The following NME5 variants were observed in gnomAD, a reference collection of about 807,000 sequenced individuals.
NME5 encodes the protein nucleoside diphosphate kinase 5.
NME5 carries 18 observed loss-of-function variants against 21.6 expected under a neutral mutation model. That is an observed-to-expected ratio of 0.83 (90% CI 0.58 to 1.24). The LOEUF is 1.24. NME5 is among the 50% of genes most tolerant of loss of function. The pLI, the probability that NME5 is intolerant of heterozygous loss-of-function variation, is 0.00. For synonymous variants in NME5, 70 were observed against 80.6 expected (o/e 0.87, Z 0.71); for missense variants, 223 against 255.4 (o/e 0.87, Z 0.86).
At chr5:138,126,510 C>CAAAAA (rs57938582) in intron 4 of NME5, among the ~76,000 whole-genome samples, 19 of 54,214 alleles carry the variant, frequency 3.5e-4, no homozygotes, top group East Asian at 1.8e-3. Context: ...GAATCTATCT[C>CAAAAA]AAAAAAAAAA....
At chr5:138,134,729 CTT>C (rs112868350) in intron 2 of NME5, among the ~76,000 whole-genome samples, 7 of 141,532 alleles carry the variant, frequency 4.9e-5, no homozygotes, top group Non-Finnish European at 9.2e-5. Context: ...AAGTTTGTCA[CTT>C]TTTTTTTTTT....
rs915465713 is a variant in NME5, at chr5:138,127,533, C to A, written c.436+946G>T. On this transcript the variant is annotated intron_variant, in intron 4 of 5. Coordinates refer to ENST00000265191, the MANE Select transcript of NME5 (RefSeq NM_003551.3). Reference sequence around the variant, plus strand: ...TGACTTAGGGAAAAATAAGTCATAACAGGAAAAATAACATACTAAAAAAAT... The same window carrying A: ...TGACTTAGGGAAAAATAAGTCATAAAAGGAAAAATAACATACTAAAAAAAT... 4 of 981,056 alleles carry A rather than the reference C, an allele frequency of 4.1e-6. No homozygotes were observed. In the African/African-American group the frequency reaches 7.0e-5, roughly 17 times the overall value. The allele number at this position is 981,056 out of a possible 1,614,324, so 60.8% of individuals were successfully genotyped here.
At position 138,130,206 on chromosome 5, in the gene NME5, C is replaced by G. The variant is rs146240183; in HGVS notation, c.130-738G>C. Among the ~76,000 whole-genome samples, 663 of 151,760 alleles carry G rather than the reference C, an allele frequency of 4.4e-3. 6 individuals carry two copies. In the South Asian group the frequency reaches 0.044, roughly 10 times the overall value. ...GCCAAGGCGGAAGGATCGCTTCATC[C>G]CAGCCAGGAGTTAGAGACCAGCCTA... On this transcript the variant is annotated intron_variant, in intron 2 of 5. Transcript: ENST00000265191.
Position 138,129,198 on chromosome 5 carries a change from A to ATT in NME5, c.335+63_335+64dup, listed in dbSNP as rs11428296. 2.0e-3 allele frequency: 2,167 copies of ATT among 1,087,892 alleles called. 1 individual carries two copies. Among genetic ancestry groups the ATT allele is most frequent in the East Asian group, 0.013 (444 of 35,166 alleles). 67.4% of individuals were successfully genotyped at this position (1,087,892 alleles called of 1,614,324 possible). A position where few individuals can be genotyped will look rare whatever the true frequency, so the allele number is the denominator to read the frequency against. ...AAAATTCCCATTACAATGAAATCAG[A>ATT]TTTTTTTTTTTCATTTTCACAGATG... is the stretch of plus-strand genomic sequence containing the variant. On this transcript the variant is annotated intron_variant, in intron 3 of 5. Transcript: ENST00000265191.
rs1751510207 is a variant in NME5, at chr5:138,129,455, C to T, written c.143G>A (p.Arg48His). ...GTTACTACATTGCTCAGGGCTGAGG[C>T]GTAGTTTTCTTCTCTATAAAAGACA... is the stretch of plus-strand genomic sequence containing the variant. ...GFTIVQRRKL[R>H]LSPEQCSNFY... is the part of the protein sequence containing the mutation. The change falls in exon 3 of 6, where the codon CGC becomes CAC. Residue 48 changes from arginine (R) to histidine (H), a missense_variant. By Grantham distance (29) the Arg-to-His change is conservative. Transcript: ENST00000265191. 3.7e-6 allele frequency: 6 copies of T among 1,613,368 alleles called. No individual in the cohort carries two copies. Among genetic ancestry groups the T allele is most frequent in the South Asian group, 2.2e-5 (2 of 91,048 alleles).
chr5:138,127,403 CAAAAAAAA>C, intron 4 of NME5: 1 of 895,998 alleles, frequency 1.1e-6, no homozygotes, highest in Non-Finnish European at 1.3e-6. Context: ...GTGAAATCTC[CAAAAAAAA>C]GAAAAAAAAT....
chr5:138,123,352 C>A (rs1751329295), intron 4 of NME5, among the ~76,000 whole-genome samples: 1 of 152,080 alleles, frequency 6.6e-6, no homozygotes, highest in Non-Finnish European at 1.5e-5. Flanking sequence ...GAATAAGTAT[C>A]CTTTGATCAA....
Position 138,118,881 on chromosome 5 carries a change from A to T in NME5, c.492T>A (p.His164Gln). Residue 164 changes from histidine (H) to glutamine (Q), a missense_variant, in exon 5 of 6, where the codon CAT (histidine) becomes CAA (glutamine). Physicochemically the swap from His to Gln is conservative, Grantham distance 24. Transcript: ENST00000265191. ...GQAAKDYLNLHIMPTLLEGLT... is the reference protein window; with the variant it reads ...GQAAKDYLNLQIMPTLLEGLT... ...GTCCTTCAAGCAGAGTTGGCATTAT[A>T]TGTAAATTTAAATAGTCCTTAGCAG... is the stretch of plus-strand genomic sequence containing the variant. 1 of 1,613,274 alleles carries T rather than the reference A, an allele frequency of 6.2e-7. No homozygotes were observed.
rs147809098 is a variant in NME5 at position 138,126,880 on chromosome 5, G to A, written c.436+1599C>T. The stretch of plus-strand genomic sequence containing the variant: ...GAGGATCACTTGAGCCCAGAAGGTC[G>A]AGGCTGCCATGAGTCGTGATCATGC... On this transcript the variant is annotated intron_variant, in intron 4 of 5. Coordinates refer to ENST00000265191, the MANE Select transcript of NME5 (RefSeq NM_003551.3). 4.3e-4 allele frequency among the ~76,000 whole-genome samples: 65 copies of A among 152,062 alleles called. 2 individuals carry two copies. In the East Asian group the frequency reaches 0.012, roughly 28 times the overall value.
chr5:138,118,376 C>T (rs190446176), intron 5 of NME5, among the ~76,000 whole-genome samples: 31 of 152,134 alleles, frequency 2.0e-4, no homozygotes, highest in Admixed American at 7.2e-4. Flanking sequence ...CCACCCACCT[C>T]GGCCTCCCAA....
chr5:138,120,490 G>A (rs1751263939), intron 4 of NME5, among the ~76,000 whole-genome samples: 4 of 151,716 alleles, frequency 2.6e-5, no homozygotes, highest in Admixed American at 6.6e-5. Context: ...CGCCTGCCTC[G>A]GCCTCCCAAA....
At chr5:138,120,228 C>CTTTTTTTTTTTTTTTTTTT (rs1561586430) in intron 4 of NME5, among the ~76,000 whole-genome samples, 1 of 40,394 alleles carries the variant, frequency 2.5e-5, no homozygotes, top group Non-Finnish European at 5.9e-5. Flanking sequence ...CTGCTCCCAG[C>CTTTTTTTTTTTTTTTTTTT]TCTTTTTTTT....
chr5:138,116,680 A>T (rs1295893641), intron 5 of NME5: 1 of 153,152 alleles, frequency 6.5e-6, no homozygotes, highest in Non-Finnish European at 1.5e-5. Context: ...TTCATATTTT[A>T]AAAAAAGAAT....
At chr5:138,129,158 C>T in intron 3 of NME5, 105 bp downstream of exon 3, 1 of 991,220 alleles carries the variant, frequency 1.0e-6, no homozygotes, top group Non-Finnish European at 1.5e-6. Flanking sequence ...TTTTGGAAAA[C>T]TTCCAAATAA....
chr5:138,132,035 G>A (rs367841589), intron 2 of NME5, among the ~76,000 whole-genome samples: 10 of 152,232 alleles, frequency 6.6e-5, no homozygotes, highest in South Asian at 2.1e-4. Flanking sequence ...GTGAGCCACC[G>A]CGCCCGGCCT....
rs1317345243 is a variant in NME5 at position 138,115,847 on chromosome 5, AAC to A, written c.556-85_556-84del. On this transcript the variant is annotated intron_variant, in intron 5 of 5. Coordinates refer to ENST00000265191, the MANE Select transcript of NME5 (RefSeq NM_003551.3). The stretch of plus-strand genomic sequence containing the variant: ...ATATACTATATCAATTGGAAACTTA[AAC>A]AGTTTTCAAAATCACTTTAAGAAAA... 6 of 848,686 alleles carry A rather than the reference AAC, an allele frequency of 7.1e-6. No homozygotes were observed. The African/African-American group carries it at 1.0e-4, about 15-fold the overall frequency. The allele number at this position is 848,686 out of a possible 1,614,324, so 52.6% of individuals were successfully genotyped here. A position where few individuals can be genotyped will look rare whatever the true frequency, so the allele number is the denominator to read the frequency against.
intron 2 of NME5, among the ~76,000 whole-genome samples, chr5:138,132,915 T>G (rs1157324438): frequency 3.3e-5 from 5 of 152,074 alleles, no homozygotes; most frequent in African/African-American, 2.4e-5. Context: ...AATTAAGACA[T>G]GAAACTATGA....
rs1356086794 is a variant in NME5, at chr5:138,118,922, T to C, written c.451A>G (p.Ile151Val). Residue 151 changes from isoleucine (I) to valine (V), a missense_variant, in exon 5 of 6, where the codon ATT (isoleucine) becomes GTT (valine). Coordinates refer to ENST00000265191, the MANE Select transcript of NME5 (RefSeq NM_003551.3). ...FMFPEVIVEP[I>V]PIGQAAKDYL... The stretch of plus-strand genomic sequence containing the variant: ...TCCTTAGCAGCTTGTCCAATTGGAA[T>C]GGGCTCAACAATCACTGCAAATACA... The C allele has an allele frequency of 6.3e-7, 1 of 1,596,368 alleles. No homozygotes were observed. Among genetic ancestry groups the C allele is most frequent in the Non-Finnish European group, 8.6e-7 (1 of 1,163,922 alleles).
chr5:138,117,029 G>A (rs1434734717), intron 5 of NME5, among the ~76,000 whole-genome samples: 1 of 151,844 alleles, frequency 6.6e-6, no homozygotes, highest in Non-Finnish European at 1.5e-5. Context: ...GCAACATAGG[G>A]AGACCCCATC....
Sources: gnomAD v4.1 joint callset for allele counts (sites outside exome capture counted in the v4.1 genomes callset) on GRCh38, gnomAD v4.1.1 for gene constraint, MANE v1.5 for transcripts, NCBI Gene and HGNC (gene_info 2026-07-23, HGNC 2026-07-21) for gene names.